Variants in PDE4D observed in about 807,000 individuals in gnomAD.
PDE4D encodes the protein 3',5'-cyclic-AMP phosphodiesterase 4D.
PDE4D carries 24 observed loss-of-function variants against 87.4 expected under a neutral mutation model. That is an observed-to-expected ratio of 0.27 (90% confidence interval 0.20 to 0.39). The LOEUF is 0.39. Ranked by LOEUF, PDE4D falls within the 10% of genes least tolerant of loss-of-function variation. The probability of loss-of-function intolerance (pLI) is 1.00; values close to 1 mark genes in which losing one functional copy is unlikely to be tolerated. For missense variants in PDE4D, 714 were observed against 1,041.0 expected, an observed-to-expected ratio of 0.69 and a Z score of 4.32; for synonymous variants, 384 against 383.2, an observed-to-expected ratio of 1.00 and a Z score of -0.02.
At chr5:59,957,773 T>A (rs1030617842) in intron 3 of PDE4D, among the ~76,000 whole-genome samples, 1 of 152,112 alleles carries the variant, frequency 6.6e-6, no homozygotes, top group Admixed American at 6.6e-5. Context: ...GAGAGTGTGA[T>A]GCTAAATTTT....
At chr5:59,261,052 G>T (rs1219806266) in intron 1 of PDE4D, among the ~76,000 whole-genome samples, 2 of 151,740 alleles carry the variant, frequency 1.3e-5, no homozygotes, top group Non-Finnish European at 2.9e-5. Context: ...TGGTATAGTA[G>T]TCCAGATGTA....
intron 1 of PDE4D, among the ~76,000 whole-genome samples, chr5:60,275,857 T>A (rs1008694292): frequency 2.6e-5 from 4 of 152,170 alleles, no homozygotes; most frequent in Non-Finnish European, 4.4e-5. Context: ...TAACTTTTTT[T>A]TATTTCCCTT....
Position 59,326,865 on chromosome 5 carries a change from C to T in PDE4D, c.456-110897G>A, listed in dbSNP as rs58389250. 7.1e-3 allele frequency among the ~76,000 whole-genome samples: 1,073 copies of T among 152,146 alleles called. 12 individuals carry two copies. The highest frequency in any genetic ancestry group is 0.023 in the African/African-American group (967 of 41,516). ...ATGATTCCTAAATTCCTTTCCAATTCGCATATATTTAATGACTTCATCATT... is the reference window on the plus strand; with the variant it reads ...ATGATTCCTAAATTCCTTTCCAATTTGCATATATTTAATGACTTCATCATT... On this transcript the variant is annotated intron_variant, in intron 1 of 14. Coordinates refer to ENST00000340635, the MANE Select transcript of PDE4D (RefSeq NM_001104631.2).
intron 1 of PDE4D, 85 bp downstream of exon 1, chr5:59,893,083 G>A: frequency 7.4e-7 from 1 of 1,345,884 alleles, no homozygotes; most frequent in Non-Finnish European, 1.0e-6. Context: ...TAGAATTGGT[G>A]GTGATAAGCC....
rs574333147 is a variant in PDE4D at position 59,848,436 on chromosome 5, A to T, written c.455+44732T>A. ...GTGTGCCAATATTTAGTTAAAATAT[A>T]CACACACATATATTAGGACATGTCT... On this transcript the variant is annotated intron_variant, in intron 1 of 14. Transcript: ENST00000340635. Among the ~76,000 whole-genome samples, 47 of 152,190 alleles carry T rather than the reference A, an allele frequency of 3.1e-4. No homozygotes were observed. In the South Asian group the frequency reaches 9.1e-3, roughly 30 times the overall value.
chr5:59,377,227 C>G (rs1784876049), intron 1 of PDE4D, among the ~76,000 whole-genome samples: 1 of 151,938 alleles, frequency 6.6e-6, no homozygotes, highest in African/African-American at 2.4e-5. Flanking sequence ...ACCATCATGG[C>G]TAACACAGTG....
At chr5:59,015,942 C>T (rs1317101848) in intron 6 of PDE4D, among the ~76,000 whole-genome samples, 1 of 152,088 alleles carries the variant, frequency 6.6e-6, no homozygotes, top group Admixed American at 6.5e-5. Flanking sequence ...TACTATGCAG[C>T]CATAAAAAAG....
At chr5:59,769,927 C>G (rs1763275110) in intron 1 of PDE4D, among the ~76,000 whole-genome samples, 1 of 151,988 alleles carries the variant, frequency 6.6e-6, no homozygotes, top group African/African-American at 2.4e-5. Flanking sequence ...TGTTTCCCTG[C>G]CCCCCTGGTT....
At chr5:60,245,522 G>T (rs113549049) in intron 1 of PDE4D, among the ~76,000 whole-genome samples, 83 of 151,944 alleles carry the variant, frequency 5.5e-4, no homozygotes, top group African/African-American at 2.0e-3. Context: ...GCCAGGAATT[G>T]GTAGCAATCC....
chr5:59,341,136 T>G (rs1039530845), intron 1 of PDE4D, among the ~76,000 whole-genome samples: 2 of 152,188 alleles, frequency 1.3e-5, no homozygotes, highest in Admixed American at 6.5e-5. Flanking sequence ...GCTCAAGTGC[T>G]CTATGGCTAC....
intron 1 of PDE4D, among the ~76,000 whole-genome samples, chr5:59,568,253 A>G (rs2153694556): frequency 6.6e-6 from 1 of 152,356 alleles, no homozygotes; most frequent in Non-Finnish European, 1.5e-5. Context: ...CAAAGCTGGA[A>G]CAATTTCACA....
At chr5:59,030,526 G>T (rs950077066) in intron 6 of PDE4D, among the ~76,000 whole-genome samples, 12 of 151,548 alleles carry the variant, frequency 7.9e-5, no homozygotes, top group African/African-American at 2.9e-4. Flanking sequence ...ATCACTTGAG[G>T]CCAGGAATTC....
At chr5:60,240,489 A>G (rs1746970398) in intron 1 of PDE4D, among the ~76,000 whole-genome samples, 1 of 152,128 alleles carries the variant, frequency 6.6e-6, no homozygotes, top group African/African-American at 2.4e-5. Flanking sequence ...AGCTGACTGA[A>G]GAGTCCTTGG....
intron 5 of PDE4D, among the ~76,000 whole-genome samples, chr5:59,068,306 A>C (rs1764228891): frequency 6.6e-6 from 1 of 152,208 alleles, no homozygotes; most frequent in South Asian, 2.1e-4. Flanking sequence ...CTATACAGAC[A>C]ATTGAGACAC....
chr5:60,023,422 C>G (rs908332257), intron 2 of PDE4D, among the ~76,000 whole-genome samples: 1 of 152,180 alleles, frequency 6.6e-6, no homozygotes, highest in African/African-American at 2.4e-5. Context: ...CTAGCAATTT[C>G]AGTTGCATTC....
intron 1 of PDE4D, among the ~76,000 whole-genome samples, chr5:60,320,886 C>T (rs1756189300): frequency 6.6e-6 from 1 of 152,076 alleles, no homozygotes; most frequent in South Asian, 2.1e-4. Flanking sequence ...CAAAACAATG[C>T]TCAAAGAAAT....
At chr5:59,116,344 G>A (rs1198030551) in intron 5 of PDE4D, among the ~76,000 whole-genome samples, 1 of 152,122 alleles carries the variant, frequency 6.6e-6, no homozygotes, top group Non-Finnish European at 1.5e-5. Flanking sequence ...GTATGACGAT[G>A]ATACAAACGA....
At chr5:60,125,826 C>G (rs920281548) in intron 2 of PDE4D, among the ~76,000 whole-genome samples, 3 of 152,140 alleles carry the variant, frequency 2.0e-5, no homozygotes, top group East Asian at 3.9e-4. Context: ...TATCTTGGCT[C>G]TCTGCCAATA....
intron 2 of PDE4D, among the ~76,000 whole-genome samples, chr5:60,080,745 G>T (rs1489290157): frequency 6.6e-6 from 1 of 152,172 alleles, no homozygotes; most frequent in Admixed American, 6.5e-5. Context: ...TGATCATGAT[G>T]AATAAGTTTT....
Sources: allele counts gnomAD v4.1 joint callset (sites outside exome capture counted in the v4.1 genomes callset), GRCh38; gene constraint gnomAD v4.1.1; transcripts MANE v1.5; gene names NCBI Gene and HGNC (gene_info 2026-07-23, HGNC 2026-07-21).